The following NCBP1 variants were observed in gnomAD, a reference collection of about 807,000 sequenced individuals.
The protein encoded by NCBP1 is nuclear cap-binding protein subunit 1.
In NCBP1, 16 loss-of-function variants were observed where a neutral mutation model predicts 111.7. The ratio of observed to expected loss-of-function variants is 0.14; its 90% CI spans 0.10 to 0.22. NCBP1 has a LOEUF of 0.22. Among genes scored for constraint, NCBP1 ranks in the 10% least tolerant of loss-of-function variants. The pLI, the probability that NCBP1 is intolerant of heterozygous loss-of-function variation, is 1.00. For missense variants in NCBP1, 607 were observed against 957.5 expected, an observed-to-expected ratio of 0.63 and a Z score of 4.83; for synonymous variants, 304 against 314.3, an observed-to-expected ratio of 0.97 and a Z score of 0.35.
chr9:97,658,788 C>G (rs1252107994), intron 15 of NCBP1, 45 bp downstream of exon 15: 1 of 1,380,040 alleles, frequency 7.2e-7, no homozygotes, highest in South Asian at 1.2e-5. Flanking sequence ...GGTACCAGTT[C>G]AAGTATATCT....
chr9:97,640,585 C>T (rs1463718521), intron 1 of NCBP1, among the ~76,000 whole-genome samples: 1 of 152,034 alleles, frequency 6.6e-6, no homozygotes, highest in Non-Finnish European at 1.5e-5. Context: ...ATAAATAATG[C>T]CTCCTGGAGT....
At chr9:97,635,280 G>A (rs1418368619) in intron 1 of NCBP1, among the ~76,000 whole-genome samples, 2 of 152,154 alleles carry the variant, frequency 1.3e-5, no homozygotes, top group African/African-American at 4.8e-5. Context: ...CCAAACACCA[G>A]CAAGAGCGAA....
At chr9:97,650,369 T>G (rs16923033) in intron 8 of NCBP1, 134 bp from the exon 9 acceptor site, 19,259 of 563,132 alleles carry the variant, frequency 0.034, 2,935 homozygotes, top group African/African-American at 0.33. Context: ...ATATAGAGCT[T>G]TAACACTTCA....
At chr9:97,640,271 G>A (rs898659427) in intron 1 of NCBP1, among the ~76,000 whole-genome samples, 3 of 152,064 alleles carry the variant, frequency 2.0e-5, no homozygotes, top group East Asian at 1.9e-4. Context: ...CCTCTTTATA[G>A]CTGATATGAC....
At chr9:97,634,279 T>G (rs1326876216) in intron 1 of NCBP1, among the ~76,000 whole-genome samples, 1 of 152,226 alleles carries the variant, frequency 6.6e-6, no homozygotes, top group Non-Finnish European at 1.5e-5. Context: ...TGTCTCGTTT[T>G]AACCTTCAAA....
At chr9:97,663,124 T>C (rs1827887553) in intron 18 of NCBP1, 77 bp downstream of exon 18, 2 of 1,154,066 alleles carry the variant, frequency 1.7e-6, no homozygotes, top group Non-Finnish European at 2.5e-6. Flanking sequence ...TGCCATTGTT[T>C]TGTTTGTAAA....
Position 97,660,126 on chromosome 9 carries a change from CAG to C in NCBP1, c.1478-819_1478-818del, listed in dbSNP as rs557172950. On this transcript the variant is annotated intron_variant, in intron 15 of 22. Transcript: ENST00000375147. ...CCCCAGCTAGAATGTAGACTGGTGA[CAG>C]GGGATTCTGTTTTTCTTCGCCTTCT... Among the ~76,000 whole-genome samples, 31 of 152,300 alleles carry C rather than the reference CAG, an allele frequency of 2.0e-4. No individual in the cohort carries two copies. The South Asian group carries it at 6.4e-3, about 32-fold the overall frequency.
At chr9:97,656,768 G>C (rs1827668711) in intron 14 of NCBP1, among the ~76,000 whole-genome samples, 1 of 152,030 alleles carries the variant, frequency 6.6e-6, no homozygotes, top group African/African-American at 2.4e-5. Context: ...CCCAGCTGAT[G>C]TAATGGCCCA....
At chr9:97,667,005 T>C in intron 20 of NCBP1, 128 bp downstream of exon 20, 1 of 660,472 alleles carries the variant, frequency 1.5e-6, no homozygotes, top group Non-Finnish European at 2.4e-6. Context: ...GCAGAAATTT[T>C]TCTGAGCCCA....
In NCBP1 at chr9:97,672,495, G is replaced by A. The variant is rs1828221598; in HGVS notation, c.*1296G>A. The A allele has an allele frequency of 6.6e-6, 1 of 152,148 alleles. No individual in the cohort carries two copies. The highest frequency in any genetic ancestry group is 2.4e-5 in the African/African-American group (1 of 41,430). The allele number at this position is 152,148 out of a possible 1,614,324, so 9.4% of individuals were successfully genotyped here. On this transcript the variant is annotated 3_prime_UTR_variant, in exon 23 of 23. Transcript: ENST00000375147. The stretch of plus-strand genomic sequence containing the variant: ...ATACAAAATATCCAGAAAAATCCAG[G>A]TTGCGTGGCTGGTTAGTAAAGGACT...
At chr9:97,651,700 T>C (rs1827502250) in intron 10 of NCBP1, among the ~76,000 whole-genome samples, 1 of 152,226 alleles carries the variant, frequency 6.6e-6, no homozygotes, top group Non-Finnish European at 1.5e-5. Context: ...TTAACAGACG[T>C]ATAAGTGATT....
In NCBP1 at chr9:97,671,566, C is replaced by T. The variant is rs1349073167; in HGVS notation, c.*367C>T. 2 of 160,744 alleles carry T rather than the reference C, an allele frequency of 1.2e-5. No homozygotes were observed. Among genetic ancestry groups the T allele is most frequent in the African/African-American group, 2.4e-5 (1 of 41,804 alleles). 10.0% of individuals were successfully genotyped at this position (160,744 alleles called of 1,614,324 possible). A position where few individuals can be genotyped will look rare whatever the true frequency, so the allele number is the denominator to read the frequency against. On this transcript the variant is annotated 3_prime_UTR_variant, in exon 23 of 23. Coordinates refer to ENST00000375147, the MANE Select transcript of NCBP1 (RefSeq NM_002486.5). ...ATGGGTTTACCCAGCTACCCAGTAG[C>T]ATAACTTTTCACAGCTCGGGGATGA...
chr9:97,667,664 C>A (rs139310750), intron 20 of NCBP1, among the ~76,000 whole-genome samples: 3 of 152,286 alleles, frequency 2.0e-5, no homozygotes, highest in African/African-American at 7.2e-5. Context: ...TGTCAGACTC[C>A]AGAGACTTTT....
At chr9:97,656,934 G>A (rs553824008) in intron 14 of NCBP1, among the ~76,000 whole-genome samples, 15 of 152,236 alleles carry the variant, frequency 9.9e-5, no homozygotes, top group Admixed American at 3.3e-4. Flanking sequence ...CCCAACACCT[G>A]TATTTCCTGT....
intron 22 of NCBP1, among the ~76,000 whole-genome samples, chr9:97,670,270 A>G (rs1262243015): frequency 6.6e-6 from 1 of 152,200 alleles, no homozygotes; most frequent in East Asian, 1.9e-4. Flanking sequence ...TAAAATGTAG[A>G]GGACAAAAAT....
chr9:97,653,110 A>G (rs1827544209), intron 10 of NCBP1, among the ~76,000 whole-genome samples: 1 of 151,346 alleles, frequency 6.6e-6, no homozygotes, highest in Admixed American at 6.6e-5. Context: ...CCCAAAGTCT[A>G]AAAGAATTCT....
chr9:97,673,574 A>AC lies in NCBP1; in HGVS notation c.*2376dup, dbSNP rs1246142203. The AC allele has an allele frequency of 6.6e-6, 1 of 152,196 alleles. No individual in the cohort carries two copies. Among genetic ancestry groups the AC allele is most frequent in the African/African-American group, 2.4e-5 (1 of 41,444 alleles). 9.4% of individuals were successfully genotyped at this position (152,196 alleles called of 1,614,324 possible). ...CAGCTTTAGTGTATGGAAAAATTGA[A>AC]CTAGGAATTGAGTTTTGAAGAAATA... On this transcript the variant is annotated 3_prime_UTR_variant, in exon 23 of 23. Coordinates refer to ENST00000375147, the MANE Select transcript of NCBP1 (RefSeq NM_002486.5).
rs1329886450 is a variant in NCBP1, at chr9:97,672,446, A to AAAT, written c.*1249_*1251dup. 1.3e-5 allele frequency: 2 copies of AAAT among 152,236 alleles called. No homozygotes were observed. Among genetic ancestry groups the AAAT allele is most frequent in the Admixed American group, 6.5e-5 (1 of 15,282 alleles). 9.4% of individuals were successfully genotyped at this position (152,236 alleles called of 1,614,324 possible). ...ATAAATGGGAATTCCTAGAATGTTTAAATACCATACTATTTAAGACAAAAT... is the reference window on the plus strand; with the variant it reads ...ATAAATGGGAATTCCTAGAATGTTTAAATAATACCATACTATTTAAGACAAAAT... On this transcript the variant is annotated 3_prime_UTR_variant, in exon 23 of 23. Transcript: ENST00000375147.
At chr9:97,653,618 T>C (rs1827559866) in intron 10 of NCBP1, among the ~76,000 whole-genome samples, 180 bp from the exon 11 acceptor site, 1 of 152,204 alleles carries the variant, frequency 6.6e-6, no homozygotes, top group Non-Finnish European at 1.5e-5. Context: ...GAAATTTTCA[T>C]TACAGTTTTC....
Sources: allele counts gnomAD v4.1 joint callset (sites outside exome capture counted in the v4.1 genomes callset), GRCh38; gene constraint gnomAD v4.1.1; transcripts MANE v1.5; gene names NCBI Gene and HGNC (gene_info 2026-07-23, HGNC 2026-07-21).